The following NPLOC4 variants were observed in gnomAD, a reference collection of about 807,000 sequenced individuals.
NPLOC4 encodes NPL4 homolog, ubiquitin recognition factor.
A neutral mutation model predicts 80.6 loss-of-function variants in NPLOC4; 18 were observed. The observed-to-expected ratio is 0.22, with a 90% confidence interval of 0.15 to 0.33. The LOEUF (loss-of-function observed/expected upper bound fraction) is 0.33. Ranked by LOEUF, NPLOC4 falls within the 10% of genes least tolerant of loss-of-function variation. NPLOC4 has a pLI of 1.00. For missense variants in NPLOC4, 540 were observed against 786.1 expected, an observed-to-expected ratio of 0.69 and a Z score of 3.74; for synonymous variants, 313 against 301.5, an observed-to-expected ratio of 1.04 and a Z score of -0.39.
At chr17:81,621,862 C>T (rs1225950603) in intron 3 of NPLOC4, among the ~76,000 whole-genome samples, 1 of 152,206 alleles carries the variant, frequency 6.6e-6, no homozygotes, top group Non-Finnish European at 1.5e-5. Flanking sequence ...AGGTCTTTCA[C>T]TCCAGACAAG....
chr17:81,610,982 T>A lies in NPLOC4; in HGVS notation c.387-724A>T, dbSNP rs1436065764. On this transcript the variant is annotated intron_variant, in intron 4 of 16. Coordinates refer to ENST00000331134, the MANE Select transcript of NPLOC4 (RefSeq NM_017921.4). ...TCAAAAAAAAAAAAAAAAAAAAAAA[T>A]GACACAAACCAAAGATAAAAGTGAA... Among the ~76,000 whole-genome samples the A allele has an allele frequency of 2.3e-3, 326 of 141,648 alleles. 30 individuals are homozygous for A. Among genetic ancestry groups the A allele is most frequent in the African/African-American group, 7.4e-3 (272 of 36,684 alleles). The allele number at this position is 141,648 out of a possible 152,430, so 92.9% of individuals were successfully genotyped here.
chr17:81,594,397 T>C (rs758054216), intron 11 of NPLOC4, among the ~76,000 whole-genome samples: 3 of 150,872 alleles, frequency 2.0e-5, no homozygotes, highest in African/African-American at 7.3e-5. Context: ...TCAAAAAGTA[T>C]ATTCATTTCA....
intron 2 of NPLOC4, among the ~76,000 whole-genome samples, chr17:81,628,467 C>G (rs2035855062): frequency 6.6e-6 from 1 of 151,814 alleles, no homozygotes; most frequent in Admixed American, 6.6e-5. Context: ...GAGCCGAGAT[C>G]ATGCCACTGC....
intron 15 of NPLOC4, chr17:81,566,711 C>G (rs907413825): frequency 6.6e-6 from 1 of 152,328 alleles, no homozygotes; most frequent in South Asian, 2.1e-4. Flanking sequence ...TATTCTGTCT[C>G]CTTCAGGGAA....
At chr17:81,583,073 T>C (rs1377194736) in intron 12 of NPLOC4, among the ~76,000 whole-genome samples, 3 of 152,292 alleles carry the variant, frequency 2.0e-5, no homozygotes, top group African/African-American at 7.2e-5. Context: ...CACACCCATG[T>C]GCATTCATGG....
chr17:81,613,303 T>C lies in NPLOC4; in HGVS notation c.386+15A>G, dbSNP rs771506422. The C allele has an allele frequency of 8.7e-6, 14 of 1,606,722 alleles. No individual in the cohort carries two copies. In the South Asian group the frequency reaches 1.4e-4, roughly 17 times the overall value. ...TCACCACAAGTAGGACCCTGGAATC[T>C]CATGGATCACTTACAGCTGTGGGTC... On this transcript the variant is annotated intron_variant, in intron 4 of 16. Transcript: ENST00000331134.
chr17:81,596,003 G>A (rs2034900063), intron 11 of NPLOC4, 113 bp downstream of exon 11: 2 of 1,031,120 alleles, frequency 1.9e-6, no homozygotes, highest in Non-Finnish European at 2.8e-6. Context: ...TATCCCACAA[G>A]CCCAGTAAGA....
chr17:81,563,186 T>A (rs1240212673), intron 16 of NPLOC4: 1 of 148,260 alleles, frequency 6.7e-6, no homozygotes, highest in Non-Finnish European at 1.5e-5. Flanking sequence ...GTGATTCTCC[T>A]GCCTCAGCCT....
intron 10 of NPLOC4, 77 bp downstream of exon 10, chr17:81,597,168 G>C (rs557362746): frequency 3.0e-6 from 3 of 1,006,500 alleles, no homozygotes; most frequent in Non-Finnish European, 4.7e-6. Context: ...GCGGTGCAAA[G>C]AGACCCTGAT....
rs117824378 is a variant in NPLOC4, at chr17:81,572,187, T to A, written c.1282-99A>T. The A allele has an allele frequency of 0.22, 98,374 of 454,144 alleles. 12,408 individuals are homozygous for A. The highest frequency in any genetic ancestry group is 0.31 in the Middle Eastern group (538 of 1,724). The allele number at this position is 454,144 out of a possible 1,614,324, so 28.1% of individuals were successfully genotyped here. A position where few individuals can be genotyped will look rare whatever the true frequency, so the allele number is the denominator to read the frequency against. On this transcript the variant is annotated intron_variant, in intron 12 of 16. Transcript: ENST00000331134. This position sits in a 1 kb window ranked among gnomAD's most constrained non-coding sequence, Gnocchi z 4.5. Reference sequence around the variant, plus strand: ...TCACCTTTTATTTAATTAATTAATTTATTTATTTATTTATTTTTTGAGACA... The same window carrying A: ...TCACCTTTTATTTAATTAATTAATTAATTTATTTATTTATTTTTTGAGACA...
chr17:81,608,651 T>C (rs915085034), intron 6 of NPLOC4, 77 bp downstream of exon 6: 2 of 1,031,868 alleles, frequency 1.9e-6, no homozygotes, highest in African/African-American at 3.2e-5. Context: ...CATTCACACG[T>C]TCACTGGCTA....
In NPLOC4 at chr17:81,589,098, G is replaced by A; in HGVS notation, c.1127C>T (p.Pro376Leu). ...KFVTAVATGG[P>L]DNQVHFEGYQ... ...CCCTTCAAAGTGGACTTGGTTGTCAGGACCACCTGCAAGAGAGAGACCTTT... is the reference window on the plus strand; with the variant it reads ...CCCTTCAAAGTGGACTTGGTTGTCAAGACCACCTGCAAGAGAGAGACCTTT... The change falls in exon 12 of 17, where the codon CCT (proline) becomes CTT (leucine). Residue 376 changes from proline to leucine, a missense_variant. Physicochemically the swap from Pro to Leu is moderately conservative, Grantham distance 98. Coordinates refer to ENST00000331134, the MANE Select transcript of NPLOC4 (RefSeq NM_017921.4). The A allele has an allele frequency of 6.2e-7, 1 of 1,612,668 alleles. No individual in the cohort carries two copies.
intron 11 of NPLOC4, 24 bp downstream of exon 11, chr17:81,596,092 C>T (rs1320252156): frequency 2.5e-6 from 4 of 1,601,364 alleles, no homozygotes; most frequent in Non-Finnish European, 3.4e-6. Context: ...GTAATATTTA[C>T]AGTACATACT....
At chr17:81,579,108 C>T (rs1016135164) in intron 12 of NPLOC4, among the ~76,000 whole-genome samples, 5 of 152,198 alleles carry the variant, frequency 3.3e-5, no homozygotes, top group African/African-American at 1.2e-4. Context: ...AGCGTGGTGG[C>T]TCACGCCTGT....
intron 1 of NPLOC4, among the ~76,000 whole-genome samples, chr17:81,631,436 A>ATATATATTTTT (rs1330720098): frequency 1.7e-5 from 2 of 117,068 alleles, no homozygotes; most frequent in African/African-American, 6.2e-5. Flanking sequence ...ATATATATAT[A>ATATATATTTTT]TTTTTTTTTT....
intron 16 of NPLOC4, among the ~76,000 whole-genome samples, chr17:81,559,759 G>T (rs1194974376): frequency 4.2e-5 from 6 of 142,232 alleles, no homozygotes; most frequent in Non-Finnish European, 7.6e-5. Flanking sequence ...CTGAGGTAGG[G>T]TCTTGCTCTG....
intron 16 of NPLOC4, chr17:81,563,521 G>A (rs146881365): frequency 1.1e-5 from 2 of 179,878 alleles, no homozygotes; most frequent in East Asian, 3.7e-4. Flanking sequence ...AGTGAGCTAT[G>A]ATCACTCCAC....
chr17:81,596,245 A>G lies in NPLOC4; in HGVS notation c.994-3T>C. On this transcript the variant is annotated splice_region_variant and splice_polypyrimidine_tract_variant and intron_variant, in intron 10 of 16. Transcript: ENST00000331134. ...TCTGAACTTAGGAAATAGGTGTCCT[A>G]AGACAAGAGAAGCAGCCTATCAAAT... 6.2e-7 allele frequency: 1 copy of G among 1,604,378 alleles called. No individual in the cohort carries two copies. The highest frequency in any genetic ancestry group is 8.5e-7 in the Non-Finnish European group (1 of 1,174,230).
intron 11 of NPLOC4, among the ~76,000 whole-genome samples, chr17:81,590,973 T>C (rs2034722383): frequency 6.6e-6 from 1 of 152,196 alleles, no homozygotes; most frequent in Non-Finnish European, 1.5e-5. Context: ...CAGCCAACCC[T>C]GCACAAATGA....
Sources: allele counts gnomAD v4.1 joint callset (sites outside exome capture counted in the v4.1 genomes callset), GRCh38; gene constraint gnomAD v4.1.1; non-coding constraint Gnocchi (gnomAD v3.1); transcripts MANE v1.5; gene names NCBI Gene and HGNC (gene_info 2026-07-23, HGNC 2026-07-21).